TMEM132C: variants seen among roughly 807,000 people sequenced by gnomAD.
TMEM132C encodes the protein protein phosphatase 1, regulatory subunit 152.
In TMEM132C, 29 loss-of-function variants were observed where a neutral mutation model predicts 61.4. The observed-to-expected ratio is 0.47, with a 90% CI of 0.35 to 0.64. The LOEUF is 0.64. Among genes scored for constraint, TMEM132C ranks in the 30% least tolerant of loss-of-function variants. The pLI is 0.00. For synonymous variants in TMEM132C, 656 were observed against 633.1 expected (o/e 1.04, Z -0.54); for missense variants, 1,408 against 1,476.9 (o/e 0.95, Z 0.76).
chr12:128,381,016 T>C (rs1874381982), intron 1 of TMEM132C, among the ~76,000 whole-genome samples: 5 of 152,184 alleles, frequency 3.3e-5, no homozygotes, highest in Admixed American at 3.3e-4. Context: ...TAGACAGTGC[T>C]TTATTCCTAC....
chr12:128,600,934 C>A (rs1219434532), intron 3 of TMEM132C, among the ~76,000 whole-genome samples: 1 of 152,216 alleles, frequency 6.6e-6, no homozygotes, highest in Non-Finnish European at 1.5e-5. Flanking sequence ...ACCACAGAGA[C>A]CCTCAACCCA....
chr12:128,643,514 C>T (rs141125786), intron 4 of TMEM132C, among the ~76,000 whole-genome samples: 1 of 152,054 alleles, frequency 6.6e-6, no homozygotes, highest in East Asian at 1.9e-4. Context: ...CGGCAAGTCA[C>T]ATGCTCAGCT....
chr12:128,325,933 G>A (rs142523632), intron 1 of TMEM132C, among the ~76,000 whole-genome samples: 3 of 151,924 alleles, frequency 2.0e-5, no homozygotes, highest in African/African-American at 4.8e-5. Context: ...CTTGCTCCTC[G>A]GTCTGCAGCC....
At chr12:128,540,090 A>G (rs919707037) in intron 2 of TMEM132C, among the ~76,000 whole-genome samples, 6 of 151,766 alleles carry the variant, frequency 4.0e-5, no homozygotes, top group Non-Finnish European at 1.5e-5. Flanking sequence ...CCTCAACTTC[A>G]TCCATCAACC....
rs189868596 is a variant in TMEM132C at position 128,360,455 on chromosome 12, C to T, written c.86-54277C>T. ...AATGTGGCTAGTTTGACTTAGGAAC[C>T]GAATGCTTAACGTTATATAGTTTTA... On this transcript the variant is annotated intron_variant, in intron 1 of 8. Transcript: ENST00000435159. Among the ~76,000 whole-genome samples, 108 of 152,198 alleles carry T rather than the reference C, an allele frequency of 7.1e-4. 1 individual carries two copies. Among genetic ancestry groups the T allele is most frequent in the African/African-American group, 2.5e-3 (104 of 41,532 alleles).
At chr12:128,505,954 A>G (rs1265931221) in intron 2 of TMEM132C, among the ~76,000 whole-genome samples, 1 of 152,158 alleles carries the variant, frequency 6.6e-6, no homozygotes, top group Non-Finnish European at 1.5e-5. Flanking sequence ...AGCCTCTTTC[A>G]TCAGAATGGG....
intron 3 of TMEM132C, among the ~76,000 whole-genome samples, chr12:128,545,432 C>T (rs539217141): frequency 6.6e-5 from 10 of 152,224 alleles, no homozygotes; most frequent in South Asian, 2.1e-4. Flanking sequence ...CACATGAGTG[C>T]GTGTGTCTTT....
chr12:128,289,273 C>T (rs970372611), intron 1 of TMEM132C, among the ~76,000 whole-genome samples: 3 of 152,230 alleles, frequency 2.0e-5, no homozygotes, highest in African/African-American at 7.2e-5. Flanking sequence ...TATACACACG[C>T]ACACATGCTC....
At chr12:128,534,321 C>A (rs1873441922) in intron 2 of TMEM132C, among the ~76,000 whole-genome samples, 1 of 152,228 alleles carries the variant, frequency 6.6e-6, no homozygotes, top group African/African-American at 2.4e-5. Context: ...CCAGAGATGC[C>A]ACCAAGTCCA....
At chr12:128,396,872 G>T (rs562538327) in intron 1 of TMEM132C, among the ~76,000 whole-genome samples, 23 of 152,202 alleles carry the variant, frequency 1.5e-4, no homozygotes, top group Non-Finnish European at 3.2e-4. Flanking sequence ...CTCTCCTGGG[G>T]TTTGCTGTGT....
rs560609537 is a variant in TMEM132C at position 128,667,484 on chromosome 12, C to G, written c.1306-1933C>G. Among the ~76,000 whole-genome samples, 3 of 152,336 alleles carry G rather than the reference C, an allele frequency of 2.0e-5. No individual in the cohort carries two copies. In the South Asian group the frequency reaches 6.2e-4, roughly 32 times the overall value. On this transcript the variant is annotated intron_variant, in intron 4 of 8. Coordinates refer to ENST00000435159, the MANE Select transcript of TMEM132C (RefSeq NM_001136103.3). Reference sequence around the variant, plus strand: ...AATCCCACGGACCCAGGAGAAGACACAGCCGAGGGTGGTAACTGCTGGCTG... The same window carrying G: ...AATCCCACGGACCCAGGAGAAGACAGAGCCGAGGGTGGTAACTGCTGGCTG...
At position 128,498,202 on chromosome 12, in the gene TMEM132C, T is replaced by C. The variant is rs73422532; in HGVS notation, c.975-45755T>C. 6.6e-3 allele frequency among the ~76,000 whole-genome samples: 1,002 copies of C among 152,200 alleles called. 8 individuals are homozygous for C. Among genetic ancestry groups the C allele is most frequent in the African/African-American group, 0.023 (937 of 41,514 alleles). ...GCATTGCCCACTACTCTCCACAAGA[T>C]GAAATTTAGATGATTGGAAATGGGA... On this transcript the variant is annotated intron_variant, in intron 2 of 8. Coordinates refer to ENST00000435159, the MANE Select transcript of TMEM132C (RefSeq NM_001136103.3).
intron 4 of TMEM132C, among the ~76,000 whole-genome samples, chr12:128,646,823 C>T (rs1416058739): frequency 6.6e-6 from 1 of 151,572 alleles, no homozygotes; most frequent in African/African-American, 2.4e-5. Context: ...TGGAGTCCAT[C>T]GGCATTGGAT....
At position 128,707,065 on chromosome 12, in the gene TMEM132C, C is replaced by T. The variant is rs922840183; in HGVS notation, c.*770C>T. The T allele has an allele frequency of 1.3e-5, 2 of 152,348 alleles. No individual in the cohort carries two copies. The highest frequency in any genetic ancestry group is 4.8e-5 in the African/African-American group (2 of 41,574). The allele number at this position is 152,348 out of a possible 1,614,324, so 9.4% of individuals were successfully genotyped here. A position where few individuals can be genotyped will look rare whatever the true frequency, so the allele number is the denominator to read the frequency against. On this transcript the variant is annotated 3_prime_UTR_variant, in exon 9 of 9. Coordinates refer to ENST00000435159, the MANE Select transcript of TMEM132C (RefSeq NM_001136103.3). ...AACTTGAATGTTTTTCTATATCCCT[C>T]CAGCTTTGTTGATAGTGGCGGGTTT...
chr12:128,446,041 G>A (rs1218651863), intron 2 of TMEM132C, among the ~76,000 whole-genome samples: 2 of 152,092 alleles, frequency 1.3e-5, no homozygotes, highest in Non-Finnish European at 2.9e-5. Context: ...TATGAAAAAA[G>A]AAAAGCAACG....
rs188248030 is a variant in TMEM132C, at chr12:128,425,291, C to T, written c.974+9671C>T. On this transcript the variant is annotated intron_variant, in intron 2 of 8. Transcript: ENST00000435159. ...GTACACCCCATCCCCTGCCCCTTGG[C>T]GCTCATCTGGGAGGGGCCGTAGTGA... Among the ~76,000 whole-genome samples the T allele has an allele frequency of 1.8e-3, 274 of 152,350 alleles. 1 individual carries two copies. The highest frequency in any genetic ancestry group is 4.1e-3 in the South Asian group (20 of 4,828).
chr12:128,666,826 T>C (rs565293588), intron 4 of TMEM132C, among the ~76,000 whole-genome samples: 1 of 152,356 alleles, frequency 6.6e-6, no homozygotes, highest in Non-Finnish European at 1.5e-5. Flanking sequence ...CAGTGAAAAA[T>C]ATATATGTCC....
At chr12:128,361,112 C>G (rs776995190) in intron 1 of TMEM132C, among the ~76,000 whole-genome samples, 1 of 152,186 alleles carries the variant, frequency 6.6e-6, no homozygotes, top group Non-Finnish European at 1.5e-5. Context: ...GCTGTTAGAT[C>G]ATAATGCTTG....
At position 128,686,071 on chromosome 12, in the gene TMEM132C, G is replaced by GTGT. The variant is rs1555243299; in HGVS notation, c.1450-7757_1450-7755dup. Among the ~76,000 whole-genome samples the GTGT allele has an allele frequency of 6.8e-5, 10 of 147,370 alleles. No individual in the cohort carries two copies. The South Asian group carries it at 8.4e-4, about 12-fold the overall frequency. ...TGTGTGCATGTGTGTGTGTGCATGC[G>GTGT]TGTGTGCGCATGTGTGTTGTGTGCG... is the stretch of plus-strand genomic sequence containing the variant. On this transcript the variant is annotated intron_variant, in intron 5 of 8. Transcript: ENST00000435159.
Sources: gnomAD v4.1 joint callset for allele counts (sites outside exome capture counted in the v4.1 genomes callset) on GRCh38, gnomAD v4.1.1 for gene constraint, MANE v1.5 for transcripts, NCBI Gene and HGNC (gene_info 2026-07-23, HGNC 2026-07-21) for gene names.